POLR3B: variants seen among roughly 807,000 people sequenced by gnomAD.
The protein encoded by POLR3B is RNA polymerase III subunit B.
POLR3B carries 96 observed loss-of-function variants against 147.4 expected under a neutral mutation model. The observed-to-expected ratio is 0.65, with a 90% CI of 0.55 to 0.77. The LOEUF (loss-of-function observed/expected upper bound fraction) is 0.77, where lower values mean the gene tolerates loss of function less well. Among genes scored for constraint, POLR3B ranks in the 30% least tolerant of loss-of-function variants. The probability of loss-of-function intolerance (pLI) is 0.00; values close to 1 mark genes in which losing one functional copy is unlikely to be tolerated. For missense variants in POLR3B, 1,036 were observed against 1,413.5 expected, an observed-to-expected ratio of 0.73 and a Z score of 4.28; for synonymous variants, 461 against 485.9, an observed-to-expected ratio of 0.95 and a Z score of 0.67.
intron 9 of POLR3B, among the ~76,000 whole-genome samples, chr12:106,385,053 T>G (rs2036816557): frequency 6.6e-6 from 1 of 152,150 alleles, no homozygotes; most frequent in Non-Finnish European, 1.5e-5. Context: ...CTCGAACTCT[T>G]GACCGTGTGA....
chr12:106,498,677 G>C (rs1213108689), intron 25 of POLR3B, among the ~76,000 whole-genome samples: 1 of 151,842 alleles, frequency 6.6e-6, no homozygotes, highest in Non-Finnish European at 1.5e-5. Context: ...TGCTTCCCGG[G>C]GGGGTTCAAG....
chr12:106,478,459 C>CT (rs2038213937), intron 23 of POLR3B, among the ~76,000 whole-genome samples: 1 of 151,980 alleles, frequency 6.6e-6, no homozygotes, highest in Admixed American at 6.6e-5. Context: ...AGGAGTCCTC[C>CT]TGGGTCTAGC....
intron 25 of POLR3B, among the ~76,000 whole-genome samples, chr12:106,499,887 T>G (rs1042939068): frequency 2.6e-5 from 4 of 152,204 alleles, no homozygotes; most frequent in African/African-American, 9.6e-5. Context: ...GAGAGTGTGA[T>G]CAGGGACACC....
At chr12:106,434,587 A>G (rs1196387322) in intron 16 of POLR3B, among the ~76,000 whole-genome samples, 1 of 151,824 alleles carries the variant, frequency 6.6e-6, no homozygotes, top group African/African-American at 2.4e-5. Context: ...ACAGAGACGA[A>G]TGTGACATGG....
chr12:106,490,523 C>T (rs970230927), intron 23 of POLR3B, among the ~76,000 whole-genome samples: 7 of 151,966 alleles, frequency 4.6e-5, no homozygotes, highest in Admixed American at 3.3e-4. Flanking sequence ...AAGGAAGAGC[C>T]GAATTAAAAT....
intron 6 of POLR3B, among the ~76,000 whole-genome samples, chr12:106,370,851 T>C (rs1260503925): frequency 2.0e-5 from 3 of 152,026 alleles, no homozygotes; most frequent in Non-Finnish European, 4.4e-5. Flanking sequence ...AGGCTAGTCT[T>C]GAACTCCTGA....
chr12:106,358,690 A>C (rs1237608884), intron 1 of POLR3B, among the ~76,000 whole-genome samples: 1 of 152,198 alleles, frequency 6.6e-6, no homozygotes, highest in Admixed American at 6.5e-5. Context: ...AGGGAAAGAG[A>C]ACAGGATACT....
At chr12:106,381,032 A>G (rs1240707759) in intron 9 of POLR3B, among the ~76,000 whole-genome samples, 1 of 152,208 alleles carries the variant, frequency 6.6e-6, no homozygotes, top group Non-Finnish European at 1.5e-5. Flanking sequence ...GCCTCAATTA[A>G]AATATACTTT....
chr12:106,481,440 C>G (rs1444752138), intron 23 of POLR3B, among the ~76,000 whole-genome samples: 7 of 152,224 alleles, frequency 4.6e-5, no homozygotes, highest in Admixed American at 4.6e-4. Context: ...TCGCTCCTCA[C>G]GCTGCCTTTT....
intron 16 of POLR3B, among the ~76,000 whole-genome samples, chr12:106,435,755 G>A (rs935238109): frequency 1.3e-5 from 2 of 152,116 alleles, no homozygotes; most frequent in African/African-American, 4.8e-5. Context: ...TAATAGCATG[G>A]TCCAGTTAAG....
intron 19 of POLR3B, chr12:106,446,195 G>T (rs761874564): frequency 6.1e-5 from 28 of 455,516 alleles, no homozygotes; most frequent in South Asian, 3.9e-4. Context: ...AAACCATTTT[G>T]TTTCATGATG....
intron 9 of POLR3B, among the ~76,000 whole-genome samples, chr12:106,385,158 G>T (rs1054121605): frequency 6.6e-6 from 1 of 152,070 alleles, no homozygotes; most frequent in African/African-American, 2.4e-5. Flanking sequence ...AGAAAATAAC[G>T]TTCTGTATTG....
intron 10 of POLR3B, among the ~76,000 whole-genome samples, chr12:106,393,488 GTT>G (rs1033497836): frequency 3.2e-5 from 4 of 123,742 alleles, no homozygotes; most frequent in African/African-American, 1.3e-4. Flanking sequence ...TCGTGTACAG[GTT>G]TTGTGTGTGT....
At position 106,410,810 on chromosome 12, in the gene POLR3B, A is replaced by T. The variant is rs762386215; in HGVS notation, c.967-16A>T. The T allele has an allele frequency of 1.2e-6, 2 of 1,613,218 alleles. No individual in the cohort carries two copies. Among genetic ancestry groups the T allele is most frequent in the Non-Finnish European group, 8.5e-7 (1 of 1,179,400 alleles). ...GTCCATTTTCTCAAAATTTTTCTCCAATTTCTGACTTACAGGTTAAGGAAT... is the reference window on the plus strand; with the variant it reads ...GTCCATTTTCTCAAAATTTTTCTCCTATTTCTGACTTACAGGTTAAGGAAT... On this transcript the variant is annotated splice_polypyrimidine_tract_variant and intron_variant, in intron 11 of 27. Transcript: ENST00000228347.
chr12:106,425,473 G>A (rs989162624), intron 12 of POLR3B, among the ~76,000 whole-genome samples: 2 of 152,202 alleles, frequency 1.3e-5, no homozygotes, highest in African/African-American at 2.4e-5. Context: ...GTCCCTCTCT[G>A]AGAAGAGGTT....
intron 23 of POLR3B, among the ~76,000 whole-genome samples, chr12:106,471,088 G>A (rs2038084548): frequency 3.3e-5 from 5 of 152,150 alleles, no homozygotes; most frequent in Admixed American, 1.3e-4. Flanking sequence ...GCTGAGCTGC[G>A]GTGGGCTCTG....
rs574961127 is a variant in POLR3B at position 106,371,452 on chromosome 12, G to T, written c.404+1769G>T. Among the ~76,000 whole-genome samples the T allele has an allele frequency of 1.0e-3, 158 of 152,092 alleles. 1 individual carries two copies. The highest frequency in any genetic ancestry group is 3.7e-3 in the African/African-American group (153 of 41,512). ...TCCCATTACTGGGTATATACCCAAA[G>T]GACTATAAATCATGCTGCTATAAAG... On this transcript the variant is annotated intron_variant, in intron 6 of 27. Coordinates refer to ENST00000228347, the MANE Select transcript of POLR3B (RefSeq NM_018082.6).
intron 12 of POLR3B, among the ~76,000 whole-genome samples, chr12:106,411,190 G>GT (rs1299164848): frequency 6.6e-6 from 1 of 152,014 alleles, no homozygotes; most frequent in African/African-American, 2.4e-5. Context: ...CCAGGCTGGA[G>GT]TGCAATGGCA....
intron 9 of POLR3B, among the ~76,000 whole-genome samples, chr12:106,388,420 C>T (rs759046361): frequency 2.0e-5 from 3 of 152,154 alleles, no homozygotes; most frequent in Middle Eastern, 6.8e-3. Flanking sequence ...CTGGTTCAAG[C>T]GATTCTTCTG....
Sources: allele counts gnomAD v4.1 joint callset (sites outside exome capture counted in the v4.1 genomes callset), GRCh38; gene constraint gnomAD v4.1.1; transcripts MANE v1.5; gene names NCBI Gene and HGNC (gene_info 2026-07-23, HGNC 2026-07-21).